APAF1: variants seen among roughly 807,000 people sequenced by gnomAD.
APAF1 encodes the protein apoptotic peptidase activating factor 1.
A neutral mutation model predicts 152.4 loss-of-function variants in APAF1; 91 were observed. That is an observed-to-expected ratio of 0.60 (90% CI 0.50 to 0.71). APAF1 has a LOEUF of 0.71. Ranked by LOEUF, APAF1 falls within the 30% of genes least tolerant of loss-of-function variation. APAF1 has a pLI of 0.00. For synonymous variants in APAF1, 484 were observed against 494.1 expected (o/e 0.98, Z 0.27); for missense variants, 1,283 against 1,472.0 (o/e 0.87, Z 2.10).
chr12:98,696,484 A>G (rs1439923854), intron 16 of APAF1, among the ~76,000 whole-genome samples: 2 of 152,154 alleles, frequency 1.3e-5, no homozygotes, highest in African/African-American at 4.8e-5. Context: ...CTACTTCCCA[A>G]CACTGCCACA....
intron 19 of APAF1, among the ~76,000 whole-genome samples, chr12:98,707,105 A>G (rs1416593588): frequency 6.6e-6 from 1 of 151,342 alleles, no homozygotes; most frequent in Non-Finnish European, 1.5e-5. Flanking sequence ...TTTTTTTTTC[A>G]TGTACAATGC....
intron 25 of APAF1, 133 bp from the exon 26 acceptor site, chr12:98,727,040 C>A: frequency 2.7e-6 from 2 of 750,374 alleles, no homozygotes; most frequent in Non-Finnish European, 2.2e-6. Context: ...ATATTAGTAT[C>A]TGTGTTAGGG....
intron 19 of APAF1, among the ~76,000 whole-genome samples, chr12:98,707,674 A>C (rs1411660711): frequency 6.9e-6 from 1 of 145,104 alleles, no homozygotes; most frequent in African/African-American, 2.5e-5. Flanking sequence ...TACTATATTC[A>C]AGACATTATG....
Position 98,662,912 on chromosome 12 carries a change from A to T in APAF1, c.955+106A>T, listed in dbSNP as rs556375636. The T allele has an allele frequency of 5.1e-5, 54 of 1,050,570 alleles. No individual in the cohort carries two copies. In the African/African-American group the frequency reaches 7.7e-4, roughly 15 times the overall value. 65.1% of individuals were successfully genotyped at this position (1,050,570 alleles called of 1,614,324 possible). A position where few individuals can be genotyped will look rare whatever the true frequency, so the allele number is the denominator to read the frequency against. On this transcript the variant is annotated intron_variant, in intron 7 of 26. Coordinates refer to ENST00000551964, the MANE Select transcript of APAF1 (RefSeq NM_181861.2). ...TAATTTAGCACATGAACATCCAAAA[A>T]CTTTTCTGGGAGATTTAGTATTTTA...
intron 15 of APAF1, among the ~76,000 whole-genome samples, chr12:98,684,112 T>A (rs2097695352): frequency 6.6e-6 from 1 of 152,162 alleles, no homozygotes; most frequent in African/African-American, 2.4e-5. Flanking sequence ...AGAGGGGTAG[T>A]AAAAGACATT....
chr12:98,702,323 G>A (rs2097716391), intron 17 of APAF1, among the ~76,000 whole-genome samples: 1 of 151,772 alleles, frequency 6.6e-6, no homozygotes, highest in African/African-American at 2.4e-5. Context: ...CCTTGGCCTC[G>A]CAAAGTGCTG....
chr12:98,706,344 C>T, intron 18 of APAF1, 141 bp from the exon 19 acceptor site: 1 of 839,950 alleles, frequency 1.2e-6, no homozygotes. Context: ...CTGCATAAGA[C>T]ATTTTGTAGT....
At chr12:98,706,715 A>G in intron 19 of APAF1, 105 bp downstream of exon 19, 1 of 1,274,276 alleles carries the variant, frequency 7.8e-7, no homozygotes, top group South Asian at 1.2e-5. Flanking sequence ...AGAATAGGAA[A>G]CTAGTACTAT....
intron 5 of APAF1, among the ~76,000 whole-genome samples, chr12:98,662,115 G>A (rs1292472841): frequency 6.7e-6 from 1 of 148,418 alleles, no homozygotes; most frequent in African/African-American, 2.5e-5. Flanking sequence ...AGACTGAGTT[G>A]GAAAATCCCA....
At chr12:98,691,249 C>T (rs2288724) in intron 16 of APAF1, among the ~76,000 whole-genome samples, 1 of 151,672 alleles carries the variant, frequency 6.6e-6, no homozygotes, top group South Asian at 2.1e-4. Context: ...ACTGTTCCTC[C>T]CTTTCCTTCT....
chr12:98,648,792 CAGTT>C lies in APAF1; in HGVS notation c.309_312del (p.Ser104GlufsTer2). The C allele has an allele frequency of 6.2e-7, 1 of 1,613,908 alleles. No individual in the cohort carries two copies. Among genetic ancestry groups the C allele is most frequent in the Non-Finnish European group, 8.5e-7 (1 of 1,179,936 alleles). On this transcript the variant is annotated frameshift_variant, in exon 3 of 27. Coordinates refer to ENST00000551964, the MANE Select transcript of APAF1 (RefSeq NM_181861.2). LOFTEE classifies it high-confidence loss of function. Reference sequence around the variant, plus strand: ...GTCTCTTCTTCCAGTGGTAAAGATTCAGTTAGTGGAATAACTTCGTATGGTTTGT... The same window carrying C: ...GTCTCTTCTTCCAGTGGTAAAGATTCAGTGGAATAACTTCGTATGGTTTGT...
At chr12:98,711,043 C>T (rs2097727412) in intron 20 of APAF1, among the ~76,000 whole-genome samples, 1 of 152,110 alleles carries the variant, frequency 6.6e-6, no homozygotes, top group African/African-American at 2.4e-5. Flanking sequence ...ATATGGCTTG[C>T]TTTGATTTTA....
At chr12:98,645,920 A>G (rs1002090302) in intron 1 of APAF1, 85 bp downstream of exon 1, 1 of 152,240 alleles carries the variant, frequency 6.6e-6, no homozygotes, top group Non-Finnish European at 1.5e-5. Flanking sequence ...ATTTGAGGAC[A>G]TGGAATATTT....
chr12:98,727,057 A>T, intron 25 of APAF1, 116 bp from the exon 26 acceptor site: 1 of 944,402 alleles, frequency 1.1e-6, no homozygotes, highest in Non-Finnish European at 1.6e-6. Flanking sequence ...AGGGTTGTTT[A>T]TAATAAAGTC....
chr12:98,667,749 T>C lies in APAF1; in HGVS notation c.1494+105T>C. The C allele has an allele frequency of 2.8e-6, 3 of 1,067,228 alleles. No homozygotes were observed. The South Asian group carries it at 4.2e-5, about 15-fold the overall frequency. The allele number at this position is 1,067,228 out of a possible 1,614,324, so 66.1% of individuals were successfully genotyped here. A position where few individuals can be genotyped will look rare whatever the true frequency, so the allele number is the denominator to read the frequency against. On this transcript the variant is annotated intron_variant, in intron 10 of 26. Transcript: ENST00000551964. Reference sequence around the variant, plus strand: ...TATTTTTTGTCTTGAATTTTGTTCATATTGCTTTCCATTTGATTTTTTTTT... The same window carrying C: ...TATTTTTTGTCTTGAATTTTGTTCACATTGCTTTCCATTTGATTTTTTTTT...
At chr12:98,666,130 T>G in intron 8 of APAF1, 60 bp from the exon 9 acceptor site, 1 of 1,491,590 alleles carries the variant, frequency 6.7e-7, no homozygotes, top group South Asian at 1.1e-5. Flanking sequence ...TGATAATACC[T>G]GTCTACAGTC....
rs377532286 is a variant in APAF1 at position 98,701,453 on chromosome 12, A to G, written c.2466+1884A>G. ...TTTTCCACAGCAGCTGCACCGTTTT[A>G]CATTCCACTAGCAATGTACAAGGGT... On this transcript the variant is annotated intron_variant, in intron 17 of 26. Transcript: ENST00000551964. Among the ~76,000 whole-genome samples, 91 of 152,290 alleles carry G rather than the reference A, an allele frequency of 6.0e-4. 1 individual carries two copies. Among genetic ancestry groups the G allele is most frequent in the African/African-American group, 1.7e-3 (71 of 41,572 alleles).
chr12:98,689,342 G>A (rs975878231), intron 16 of APAF1, among the ~76,000 whole-genome samples: 2 of 152,058 alleles, frequency 1.3e-5, no homozygotes, highest in African/African-American at 4.8e-5. Flanking sequence ...GTGTGCCCCT[G>A]TAGCTTTTCT....
In APAF1 at chr12:98,699,559, A is replaced by T. The variant is rs772365446; in HGVS notation, c.2456A>T (p.Asn819Ile). 2 of 1,614,216 alleles carry T rather than the reference A, an allele frequency of 1.2e-6. No individual in the cohort carries two copies. The highest frequency in any genetic ancestry group is 2.2e-5 in the East Asian group (1 of 44,880). The part of the protein sequence containing the change: ...DGARIMVAAK[N>I]KIFLFDIHTS... ...GCAAGGATAATGGTGGCAGCAAAAA[A>T]TAAAATCTTTGTAAGTACTTTAAAA... The change falls in exon 17 of 27, where the codon AAT (asparagine) becomes ATT (isoleucine). Residue 819 changes from asparagine (N) to isoleucine (I), a missense_variant. Physicochemically the swap from Asn to Ile is moderately radical, Grantham distance 149. Coordinates refer to ENST00000551964, the MANE Select transcript of APAF1 (RefSeq NM_181861.2).
Sources: gnomAD v4.1 joint callset for allele counts (sites outside exome capture counted in the v4.1 genomes callset) on GRCh38, gnomAD v4.1.1 for gene constraint, MANE v1.5 for transcripts, NCBI Gene and HGNC (gene_info 2026-07-23, HGNC 2026-07-21) for gene names.